TMCC1: variants seen among roughly 807,000 people sequenced by gnomAD.
TMCC1 encodes transmembrane and coiled-coil domains protein 1.
A neutral mutation model predicts 52.4 loss-of-function variants in TMCC1; 15 were observed. That is an observed-to-expected ratio of 0.29 (90% CI 0.19 to 0.44). The LOEUF is 0.44. Among genes scored for constraint, TMCC1 ranks in the 20% least tolerant of loss-of-function variants. The pLI is 1.00. For synonymous variants in TMCC1, 279 were observed against 301.9 expected (o/e 0.92, Z 0.79); for missense variants, 503 against 806.0 (o/e 0.62, Z 4.55).
In TMCC1 at chr3:129,781,201, G is replaced by A. The variant is rs567301671; in HGVS notation, c.576+46602C>T. On this transcript the variant is annotated intron_variant, in intron 4 of 6. Transcript: ENST00000393238. ...CTGGCATCCAAACTCTCCAGATTTG[G>A]CCCCATCAAACACCTCCATTCATTT... 2.6e-5 allele frequency among the ~76,000 whole-genome samples: 4 copies of A among 152,130 alleles called. No homozygotes were observed. The South Asian group carries it at 6.2e-4, about 24-fold the overall frequency.
intron 2 of TMCC1, among the ~76,000 whole-genome samples, chr3:129,839,167 T>C (rs930403898): frequency 6.6e-6 from 1 of 152,210 alleles, no homozygotes; most frequent in Non-Finnish European, 1.5e-5. Context: ...AATTTTTTTA[T>C]TTTTCATTGC....
At chr3:129,800,929 T>TA (rs2107772624) in intron 4 of TMCC1, among the ~76,000 whole-genome samples, 1 of 147,666 alleles carries the variant, frequency 6.8e-6, no homozygotes, top group Admixed American at 6.8e-5. Flanking sequence ...CACACTATTT[T>TA]TTTTTTTTTT....
chr3:129,736,249 C>T (rs571086421), intron 4 of TMCC1, among the ~76,000 whole-genome samples: 30 of 152,286 alleles, frequency 2.0e-4, no homozygotes, highest in African/African-American at 6.5e-4. Context: ...GCCAAACTAT[C>T]AATTCTACTG....
At chr3:129,752,336 C>T (rs1435781709) in intron 4 of TMCC1, among the ~76,000 whole-genome samples, 1 of 152,074 alleles carries the variant, frequency 6.6e-6, no homozygotes, top group East Asian at 1.9e-4. Context: ...TTACATGTAT[C>T]CCTGCAGGGG....
intron 4 of TMCC1, among the ~76,000 whole-genome samples, chr3:129,672,291 G>A (rs551937381): frequency 4.6e-5 from 7 of 152,294 alleles, no homozygotes; most frequent in East Asian, 1.9e-4. Flanking sequence ...AGGTCCCAAA[G>A]AAGAAGGCTC....
intron 4 of TMCC1, among the ~76,000 whole-genome samples, chr3:129,740,238 A>C (rs891101244): frequency 6.6e-6 from 1 of 152,212 alleles, no homozygotes; most frequent in Non-Finnish European, 1.5e-5. Context: ...GATACCAATC[A>C]CTATGAATTT....
At chr3:129,883,267 G>T (rs550190551) in intron 1 of TMCC1, among the ~76,000 whole-genome samples, 1 of 151,928 alleles carries the variant, frequency 6.6e-6, no homozygotes, top group East Asian at 1.9e-4. Flanking sequence ...AGCTGAGATC[G>T]CACCACTGCA....
At chr3:129,751,978 T>C (rs2052569783) in intron 4 of TMCC1, among the ~76,000 whole-genome samples, 1 of 152,212 alleles carries the variant, frequency 6.6e-6, no homozygotes, top group Non-Finnish European at 1.5e-5. Flanking sequence ...TCCTGGAACC[T>C]AATTGCTTTA....
chr3:129,696,782 A>G (rs2047444880), intron 4 of TMCC1, among the ~76,000 whole-genome samples: 1 of 152,226 alleles, frequency 6.6e-6, no homozygotes, highest in South Asian at 2.1e-4. Context: ...TGAAGGGGCT[A>G]CAGGCCCCAT....
intron 4 of TMCC1, among the ~76,000 whole-genome samples, chr3:129,732,082 G>A (rs1215920967): frequency 6.6e-6 from 1 of 152,084 alleles, no homozygotes; most frequent in African/African-American, 2.4e-5. Flanking sequence ...ATTTTGTGTA[G>A]ACTGGCATAG....
chr3:129,713,711 C>CAAAAAAAAAAAA (rs113963331), intron 4 of TMCC1, among the ~76,000 whole-genome samples: 3 of 60,070 alleles, frequency 5.0e-5, no homozygotes, highest in South Asian at 5.2e-4. Context: ...ACCCCCATCT[C>CAAAAAAAAAAAA]AAAAAAAAAA....
chr3:129,781,332 A>T (rs1192041490), intron 4 of TMCC1, among the ~76,000 whole-genome samples: 2 of 152,272 alleles, frequency 1.3e-5, no homozygotes, highest in South Asian at 2.1e-4. Context: ...CTATGTGGAG[A>T]CATTTCTAGG....
chr3:129,831,853 A>G (rs1364264485), intron 3 of TMCC1, among the ~76,000 whole-genome samples: 1 of 152,030 alleles, frequency 6.6e-6, no homozygotes, highest in Non-Finnish European at 1.5e-5. Context: ...AAATTCCCCA[A>G]TTAACTATTT....
chr3:129,733,081 T>C (rs549197981), intron 4 of TMCC1, among the ~76,000 whole-genome samples: 1 of 152,328 alleles, frequency 6.6e-6, no homozygotes, highest in South Asian at 2.1e-4. Context: ...ACTTTTAAGA[T>C]ACGTCTTTTG....
At chr3:129,667,518 C>T (rs1405012711) in intron 5 of TMCC1, among the ~76,000 whole-genome samples, 1 of 152,076 alleles carries the variant, frequency 6.6e-6, no homozygotes, top group Non-Finnish European at 1.5e-5. Context: ...AGTCAGATTA[C>T]GTAGTATGTC....
intron 5 of TMCC1, among the ~76,000 whole-genome samples, chr3:129,661,381 G>A (rs1452347598): frequency 6.6e-6 from 1 of 152,008 alleles, no homozygotes; most frequent in Admixed American, 6.6e-5. Flanking sequence ...AGCCGAGACT[G>A]TGTCACTACC....
intron 3 of TMCC1, among the ~76,000 whole-genome samples, chr3:129,831,139 G>A (rs1335448662): frequency 6.6e-6 from 1 of 151,984 alleles, no homozygotes; most frequent in Non-Finnish European, 1.5e-5. Context: ...TCACCATGTT[G>A]GCCAGGCTGG....
chr3:129,697,815 A>G (rs981884855), intron 4 of TMCC1, among the ~76,000 whole-genome samples: 2 of 152,150 alleles, frequency 1.3e-5, no homozygotes, highest in Non-Finnish European at 2.9e-5. Context: ...CTCGTTGTCA[A>G]CAAGTTCCTC....
rs554530333 is a variant in TMCC1 at position 129,694,193 on chromosome 3, TTAGTA to T, written c.577-22934_577-22930del. ...GTTTCTCAGGTGTATTTTCCTAACC[TTAGTA>T]TAGTAAATAATAAAGAGTGTTTAAA... On this transcript the variant is annotated intron_variant, in intron 4 of 6. Coordinates refer to ENST00000393238, the MANE Select transcript of TMCC1 (RefSeq NM_001017395.5). 1.9e-3 allele frequency among the ~76,000 whole-genome samples: 292 copies of T among 152,344 alleles called. 1 individual carries two copies. The highest frequency in any genetic ancestry group is 5.9e-3 in the African/African-American group (247 of 41,574).
Sources: allele counts gnomAD v4.1 joint callset (sites outside exome capture counted in the v4.1 genomes callset), GRCh38; gene constraint gnomAD v4.1.1; transcripts MANE v1.5; gene names NCBI Gene and HGNC (gene_info 2026-07-23, HGNC 2026-07-21).